The following ACOXL variants were observed in gnomAD, a reference collection of about 807,000 sequenced individuals.
ACOXL encodes acyl-coenzyme A oxidase-like protein.
ACOXL carries 70 observed loss-of-function variants against 71.9 expected under a neutral mutation model. The observed-to-expected ratio is 0.97, with a 90% CI of 0.80 to 1.19. ACOXL has a LOEUF of 1.19. ACOXL is among the 50% of genes most tolerant of loss of function. The pLI, the probability that ACOXL is intolerant of heterozygous loss-of-function variation, is 0.00. For synonymous variants in ACOXL, 253 were observed against 281.6 expected, an observed-to-expected ratio of 0.90 and a Z score of 1.02; for missense variants, 703 against 736.3, an observed-to-expected ratio of 0.95 and a Z score of 0.52.
At chr2:110,777,731 G>T (rs1310708549) in intron 2 of ACOXL, among the ~76,000 whole-genome samples, 1 of 152,210 alleles carries the variant, frequency 6.6e-6, no homozygotes. Context: ...GCCCTCCTGG[G>T]TGAGCCGGGG....
At position 110,841,384 on chromosome 2, in the gene ACOXL, T is replaced by C. The variant is rs1691158523; in HGVS notation, c.767T>C (p.Ile256Thr). 4 of 1,610,046 alleles carry C rather than the reference T, an allele frequency of 2.5e-6. No homozygotes were observed. Among genetic ancestry groups the C allele is most frequent in the Non-Finnish European group, 3.4e-6 (4 of 1,177,360 alleles). The change falls in exon 10 of 18, where the codon ATA (isoleucine) becomes ACA (threonine). Residue 256 changes from isoleucine to threonine, a missense_variant. Transcript: ENST00000439055. ...AMGAMKLGLT[I>T]AIRYSHSRRQ... is the part of the protein sequence containing the mutation. ...TTTTAATTACAGCTTGGGTTGACGA[T>C]AGCCATTCGCTATAGCCACAGGTAA...
At chr2:110,928,586 CT>C (rs1346537693) in intron 11 of ACOXL, among the ~76,000 whole-genome samples, 1 of 152,164 alleles carries the variant, frequency 6.6e-6, no homozygotes, top group Non-Finnish European at 1.5e-5. Flanking sequence ...ACAAAATAAA[CT>C]TTTATAAATA....
chr2:111,072,288 A>T (rs2149933720), intron 16 of ACOXL, among the ~76,000 whole-genome samples: 1 of 152,320 alleles, frequency 6.6e-6, no homozygotes, highest in South Asian at 2.1e-4. Context: ...ATTATTCTTC[A>T]TCACTATAAT....
intron 1 of ACOXL, among the ~76,000 whole-genome samples, chr2:110,746,687 T>C (rs1031490669): frequency 1.3e-5 from 2 of 152,148 alleles, no homozygotes; most frequent in Admixed American, 6.5e-5. Flanking sequence ...ATGTATACAG[T>C]GGTCTCTTTC....
intron 1 of ACOXL, among the ~76,000 whole-genome samples, chr2:110,764,609 G>T (rs1194857183): frequency 6.6e-6 from 1 of 152,174 alleles, no homozygotes; most frequent in Non-Finnish European, 1.5e-5. Flanking sequence ...CCCACAGAAT[G>T]TACAATTCCA....
At chr2:110,977,161 C>T (rs1335719549) in intron 12 of ACOXL, among the ~76,000 whole-genome samples, 7 of 151,926 alleles carry the variant, frequency 4.6e-5, no homozygotes, top group Non-Finnish European at 7.4e-5. Context: ...CCGAGGTGGG[C>T]GGATCACGAG....
At chr2:110,939,913 G>C (rs1423868840) in intron 12 of ACOXL, among the ~76,000 whole-genome samples, 1 of 152,204 alleles carries the variant, frequency 6.6e-6, no homozygotes, top group African/African-American at 2.4e-5. Context: ...TGTAAATGAT[G>C]ATTGGTATTG....
Position 110,816,501 on chromosome 2 carries a change from G to A in ACOXL, c.753+11106G>A, listed in dbSNP as rs570852742. Among the ~76,000 whole-genome samples, 6 of 152,298 alleles carry A rather than the reference G, an allele frequency of 3.9e-5. No homozygotes were observed. The South Asian group carries it at 1.2e-3, about 32-fold the overall frequency. On this transcript the variant is annotated intron_variant, in intron 9 of 17. Coordinates refer to ENST00000439055, the MANE Select transcript of ACOXL (RefSeq NM_001142807.4). ...ATCTTTTGGACTTGTGCACCCCAGG[G>A]TATTTTCAGCTGAGGCAGGTGTGTA...
At chr2:111,092,990 A>G (rs2068614583) in intron 17 of ACOXL, 24 bp downstream of exon 17, 3 of 1,583,328 alleles carry the variant, frequency 1.9e-6, no homozygotes, top group Non-Finnish European at 2.6e-6. Context: ...GGTACAGAAA[A>G]ACACTTTGTA....
chr2:110,950,070 C>CT (rs1288173453), intron 12 of ACOXL, among the ~76,000 whole-genome samples: 2 of 151,326 alleles, frequency 1.3e-5, no homozygotes, highest in Non-Finnish European at 2.9e-5. Context: ...TATTATTATA[C>CT]TTTAAGTTTT....
rs71383889 is a variant in ACOXL, at chr2:110,849,749, AAAACAAACAAAC to A, written c.788+8364_788+8375del. Among the ~76,000 whole-genome samples, 11 of 151,104 alleles carry A rather than the reference AAAACAAACAAAC, an allele frequency of 7.3e-5. No individual in the cohort carries two copies. The South Asian group carries it at 1.1e-3, about 14-fold the overall frequency. On this transcript the variant is annotated intron_variant, in intron 10 of 17. Transcript: ENST00000439055. Reference sequence around the variant, plus strand: ...CTCCAGACTGGGTGACAGAGTGAGAAAAACAAACAAACAAACAAACAAACAAACAAAAAACAG... The same window carrying A: ...CTCCAGACTGGGTGACAGAGTGAGAAAAACAAACAAACAAACAAAAAACAG...
chr2:110,929,472 A>G (rs923884112), intron 11 of ACOXL, among the ~76,000 whole-genome samples: 1 of 152,234 alleles, frequency 6.6e-6, no homozygotes, highest in Non-Finnish European at 1.5e-5. Flanking sequence ...GGGAAACAGT[A>G]TAAATGCTCA....
At chr2:110,768,492 T>TTGTG (rs57292148) in intron 2 of ACOXL, 28 bp downstream of exon 2, 1,160 of 1,279,784 alleles carry the variant, frequency 9.1e-4, no homozygotes, top group Admixed American at 1.1e-3. Flanking sequence ...TCTGGTATGG[T>TTGTG]TGTGTGTGTG....
chr2:111,020,659 A>G (rs2064708788), intron 14 of ACOXL, among the ~76,000 whole-genome samples: 4 of 152,176 alleles, frequency 2.6e-5, no homozygotes, highest in African/African-American at 7.2e-5. Flanking sequence ...CACCATTGAG[A>G]AAGATGATAT....
chr2:110,764,954 T>C (rs1229939601), intron 1 of ACOXL, among the ~76,000 whole-genome samples: 1 of 152,258 alleles, frequency 6.6e-6, no homozygotes, highest in African/African-American at 2.4e-5. Context: ...AGCCATTCTT[T>C]AAGTCAGCTT....
intron 12 of ACOXL, among the ~76,000 whole-genome samples, chr2:110,966,691 G>A (rs1409695291): frequency 6.6e-6 from 1 of 152,180 alleles, no homozygotes; most frequent in Non-Finnish European, 1.5e-5. Context: ...TTTTTAGCAG[G>A]AGTCAGTAAG....
At chr2:111,049,368 G>A (rs2066170879) in intron 16 of ACOXL, 80 bp downstream of exon 16, 2 of 1,126,852 alleles carry the variant, frequency 1.8e-6, no homozygotes, top group African/African-American at 3.1e-5. Context: ...ATTTTTACAA[G>A]CGGGAGTAAA....
intron 9 of ACOXL, among the ~76,000 whole-genome samples, chr2:110,825,624 T>C (rs1689079543): frequency 6.6e-6 from 1 of 152,032 alleles, no homozygotes; most frequent in Non-Finnish European, 1.5e-5. Context: ...AAACAGGGGA[T>C]TTCAATATCC....
chr2:110,934,236 G>A (rs2060582734), intron 12 of ACOXL, among the ~76,000 whole-genome samples: 1 of 152,218 alleles, frequency 6.6e-6, no homozygotes, highest in African/African-American at 2.4e-5. Context: ...CCATGCGGGG[G>A]TCCAGAGCCC....
Sources: allele counts gnomAD v4.1 joint callset (sites outside exome capture counted in the v4.1 genomes callset), GRCh38; gene constraint gnomAD v4.1.1; transcripts MANE v1.5; gene names NCBI Gene and HGNC (gene_info 2026-07-23, HGNC 2026-07-21).